Variants in LRRC3B observed in about 807,000 individuals in gnomAD.
LRRC3B encodes the protein leucine rich repeat containing 3B.
LRRC3B carries 2 observed loss-of-function variants against 12.8 expected under a neutral mutation model. The ratio of observed to expected loss-of-function variants is 0.16; its 90% confidence interval spans 0.06 to 0.49. The LOEUF (loss-of-function observed/expected upper bound fraction) is 0.49. Among genes scored for constraint, LRRC3B ranks in the 20% least tolerant of loss-of-function variants. The pLI, the probability that LRRC3B is intolerant of heterozygous loss-of-function variation, is 0.96. For synonymous variants in LRRC3B, 132 were observed against 122.0 expected (o/e 1.08, Z -0.54); for missense variants, 189 against 319.4 (o/e 0.59, Z 3.11).
intron 1 of LRRC3B, among the ~76,000 whole-genome samples, chr3:26,657,240 G>A (rs1031765350): frequency 6.6e-6 from 1 of 152,178 alleles, no homozygotes; most frequent in Admixed American, 6.5e-5. Flanking sequence ...TCAAAGAACT[G>A]AAATAGATGC....
chr3:26,667,875 A>G (rs1699639890), intron 1 of LRRC3B, among the ~76,000 whole-genome samples: 1 of 151,948 alleles, frequency 6.6e-6, no homozygotes, highest in Non-Finnish European at 1.5e-5. Flanking sequence ...AATACAGATC[A>G]TTGGATTACC....
chr3:26,667,003 AAC>A (rs1699618414), intron 1 of LRRC3B, among the ~76,000 whole-genome samples: 1 of 152,084 alleles, frequency 6.6e-6, no homozygotes, highest in African/African-American at 2.4e-5. Context: ...TGCCAGCAAC[AAC>A]AGTTATAACT....
chr3:26,628,174 C>A (rs1698670997), intron 1 of LRRC3B, among the ~76,000 whole-genome samples: 1 of 151,972 alleles, frequency 6.6e-6, no homozygotes, highest in South Asian at 2.1e-4. Flanking sequence ...AATATGAGTT[C>A]ATTGACATTT....
At chr3:26,666,071 A>T (rs1383335793) in intron 1 of LRRC3B, among the ~76,000 whole-genome samples, 2 of 152,196 alleles carry the variant, frequency 1.3e-5, no homozygotes, top group African/African-American at 4.8e-5. Flanking sequence ...AACCAAGGGA[A>T]AGAGTGAAGG....
chr3:26,695,281 A>C (rs945979259), intron 1 of LRRC3B, among the ~76,000 whole-genome samples: 10 of 152,210 alleles, frequency 6.6e-5, no homozygotes, highest in East Asian at 1.9e-4. Context: ...TAATCCCAGC[A>C]CTTTGGGGGG....
chr3:26,674,372 G>T (rs1699814896), intron 1 of LRRC3B, among the ~76,000 whole-genome samples: 1 of 152,162 alleles, frequency 6.6e-6, no homozygotes, highest in Admixed American at 6.5e-5. Context: ...CTAAAAAAAA[G>T]TTTAAGCTTT....
chr3:26,686,370 C>T (rs144308603), intron 1 of LRRC3B, among the ~76,000 whole-genome samples: 4,953 of 152,276 alleles, frequency 0.033, 124 homozygotes, highest in South Asian at 0.049. Flanking sequence ...TGAGCCACCG[C>T]GCCCGGCCGG....
chr3:26,653,840 C>A (rs1191802636), intron 1 of LRRC3B, among the ~76,000 whole-genome samples: 1 of 152,104 alleles, frequency 6.6e-6, no homozygotes, highest in Non-Finnish European at 1.5e-5. Context: ...CACAAAGATA[C>A]CTTATTGAAA....
exon 2 of LRRC3B, chr3:26,710,064 A>G: frequency 1.2e-6 from 2 of 1,614,098 alleles, no homozygotes; most frequent in Middle Eastern, 3.3e-4. Context: ...GTGCACAAAA[A>G]TGCCTTCAAT....
chr3:26,671,365 T>TAGAGAGAGAGAGAG (rs1466620108), intron 1 of LRRC3B, among the ~76,000 whole-genome samples: 17 of 43,450 alleles, frequency 3.9e-4, no homozygotes, highest in East Asian at 1.4e-3. Flanking sequence ...TATATATATA[T>TAGAGAGAGAGAGAG]ATATATATAG....
intron 1 of LRRC3B, among the ~76,000 whole-genome samples, chr3:26,648,654 C>T (rs1369667059): frequency 6.6e-6 from 1 of 152,164 alleles, no homozygotes; most frequent in Admixed American, 6.5e-5. Context: ...TATGGGCTCT[C>T]TTTGTTTGAC....
rs1437507718 is a variant in LRRC3B at position 26,686,190 on chromosome 3, C to T, written c.-160-23323C>T. 2.0e-5 allele frequency among the ~76,000 whole-genome samples: 3 copies of T among 152,062 alleles called. No individual in the cohort carries two copies. The East Asian group carries it at 5.8e-4, about 29-fold the overall frequency. On this transcript the variant is annotated intron_variant, in intron 1 of 1. Transcript: ENST00000396641. ...CGCCTCCCGGGTTCACGCCATTCTC[C>T]TGCCTCAGCCTCCCAAGTAGCTGGG...
intron 1 of LRRC3B, among the ~76,000 whole-genome samples, chr3:26,671,522 GC>G: frequency 6.6e-6 from 1 of 150,594 alleles, no homozygotes; most frequent in South Asian, 2.1e-4. Flanking sequence ...CTCCCAAGTA[GC>G]TGGGACTACA....
intron 1 of LRRC3B, among the ~76,000 whole-genome samples, chr3:26,683,841 A>G (rs1252382922): frequency 6.6e-6 from 1 of 152,208 alleles, no homozygotes; most frequent in Non-Finnish European, 1.5e-5. Context: ...TCTGCAGCGC[A>G]ATTTCTCAGG....
chr3:26,646,320 C>T (rs1699142346), intron 1 of LRRC3B, among the ~76,000 whole-genome samples: 1 of 152,090 alleles, frequency 6.6e-6, no homozygotes. Flanking sequence ...GTTTCTAAAG[C>T]AATTTGAATT....
intron 1 of LRRC3B, among the ~76,000 whole-genome samples, chr3:26,653,620 A>G (rs1486170146): frequency 6.6e-6 from 1 of 152,216 alleles, no homozygotes; most frequent in Admixed American, 6.5e-5. Context: ...AAAAAACAGT[A>G]AGATAACCTG....
chr3:26,650,682 T>C (rs1411769712), intron 1 of LRRC3B, among the ~76,000 whole-genome samples: 2 of 152,216 alleles, frequency 1.3e-5, no homozygotes, highest in Non-Finnish European at 2.9e-5. Flanking sequence ...CTATTAAATT[T>C]TAATAATGTA....
intron 1 of LRRC3B, chr3:26,701,208 C>G (rs900082360): frequency 6.6e-6 from 1 of 152,092 alleles, no homozygotes; most frequent in Admixed American, 6.6e-5. Context: ...ACTGTTCTCC[C>G]CTTCCCTTTG....
chr3:26,685,486 CCT>C lies in LRRC3B; in HGVS notation c.-160-23990_-160-23989del, dbSNP rs61229084. On this transcript the variant is annotated intron_variant, in intron 1 of 1. Transcript: ENST00000396641. ...CAACTAAGATATGGTAGACTCTCTC[CCT>C]CTCTCTCTCTCTCTCTCTCTCTCTC... is the stretch of plus-strand genomic sequence containing the variant. Among the ~76,000 whole-genome samples the C allele has an allele frequency of 9.8e-3, 484 of 49,474 alleles. 2 individuals are homozygous for C. The highest frequency in any genetic ancestry group is 0.011 in the East Asian group (13 of 1,170). The allele number at this position is 49,474 out of a possible 152,430, so 32.5% of individuals were successfully genotyped here. A position where few individuals can be genotyped will look rare whatever the true frequency, so the allele number is the denominator to read the frequency against.
Sources: allele counts gnomAD v4.1 joint callset (sites outside exome capture counted in the v4.1 genomes callset), GRCh38; gene constraint gnomAD v4.1.1; transcripts MANE v1.5; gene names NCBI Gene and HGNC (gene_info 2026-07-23, HGNC 2026-07-21).